CCDC7: variants seen among roughly 807,000 people sequenced by gnomAD.
CCDC7 encodes the protein coiled-coil domain containing 7.
A neutral mutation model predicts 196.9 loss-of-function variants in CCDC7; 183 were observed. The ratio of observed to expected loss-of-function variants is 0.93; its 90% CI spans 0.82 to 1.05. CCDC7 has a LOEUF of 1.05. Among genes scored for constraint, CCDC7 ranks in the 50% least tolerant of loss-of-function variants. CCDC7 has a pLI of 0.00. For missense variants in CCDC7, 1,540 were observed against 1,482.2 expected (o/e 1.04, Z -0.64); for synonymous variants, 525 against 484.6 (o/e 1.08, Z -1.10).
intron 28 of CCDC7, among the ~76,000 whole-genome samples, chr10:32,749,787 A>G (rs2075378666): frequency 1.3e-5 from 2 of 152,216 alleles, no homozygotes; most frequent in Admixed American, 1.3e-4. Flanking sequence ...AGTGTTTACT[A>G]CAAAATATGT....
rs1304020045 is a variant in CCDC7, at chr10:32,640,454, C to G, written c.2014+5296C>G. On this transcript the variant is annotated intron_variant, in intron 20 of 41. Coordinates refer to ENST00000639629, the Ensembl canonical transcript of CCDC7. ...TACAGCACACTGATGGGTCTTGACT[C>G]TTTATCCAATTTGCCAGTCTGTGTC... Among the ~76,000 whole-genome samples, 3 of 152,288 alleles carry G rather than the reference C, an allele frequency of 2.0e-5. No homozygotes were observed. The East Asian group carries it at 5.8e-4, about 29-fold the overall frequency.
In CCDC7 at chr10:32,711,735, G is replaced by T; in HGVS notation, c.2569+5G>T. The stretch of plus-strand genomic sequence containing the variant: ...CTGAAGGAGAAGGACGTAGCAGTAA[G>T]TATAATGATGATAGCTATTTTATAT... On this transcript the variant is annotated splice_donor_5th_base_variant and intron_variant, in intron 25 of 41. Transcript: ENST00000639629. The T allele has an allele frequency of 6.8e-7, 1 of 1,476,796 alleles. No individual in the cohort carries two copies. Among genetic ancestry groups the T allele is most frequent in the Non-Finnish European group, 9.2e-7 (1 of 1,088,226 alleles). The allele number at this position is 1,476,796 out of a possible 1,614,324, so 91.5% of individuals were successfully genotyped here. A position where few individuals can be genotyped will look rare whatever the true frequency, so the allele number is the denominator to read the frequency against.
chr10:32,643,529 A>T (rs998637606), intron 20 of CCDC7, among the ~76,000 whole-genome samples: 6 of 151,878 alleles, frequency 4.0e-5, no homozygotes, highest in Middle Eastern at 3.2e-3. Flanking sequence ...ACACATTTGG[A>T]TTTAAATATT....
intron 18 of CCDC7, among the ~76,000 whole-genome samples, chr10:32,614,002 A>G (rs1452054641): frequency 3.3e-5 from 5 of 152,138 alleles, no homozygotes; most frequent in African/African-American, 9.7e-5. Context: ...TATTGACAGT[A>G]GGGTGTTAAC....
chr10:32,719,286 A>G (rs1286945008), intron 25 of CCDC7, among the ~76,000 whole-genome samples: 2 of 152,330 alleles, frequency 1.3e-5, no homozygotes, highest in East Asian at 3.9e-4. Context: ...AGGATTCCCT[A>G]TTTAATAAAT....
At chr10:32,827,833 G>A (rs938575252) in intron 32 of CCDC7, among the ~76,000 whole-genome samples, 9 of 152,054 alleles carry the variant, frequency 5.9e-5, no homozygotes, top group African/African-American at 1.2e-4. Flanking sequence ...AAATGGCCCT[G>A]CAAAGCCATA....
chr10:32,536,901 G>A (rs2050600915), intron 11 of CCDC7, among the ~76,000 whole-genome samples: 1 of 152,146 alleles, frequency 6.6e-6, no homozygotes, highest in Non-Finnish European at 1.5e-5. Flanking sequence ...GCCCACCGTT[G>A]TTGGGCATTT....
chr10:32,464,806 C>G (rs1182877613), intron 5 of CCDC7, among the ~76,000 whole-genome samples: 1 of 152,140 alleles, frequency 6.6e-6, no homozygotes, highest in East Asian at 1.9e-4. Context: ...CCACTGTGCC[C>G]TGCCGTGCCC....
intron 11 of CCDC7, among the ~76,000 whole-genome samples, chr10:32,524,533 A>C (rs1234739195): frequency 6.6e-6 from 1 of 152,186 alleles, no homozygotes; most frequent in Non-Finnish European, 1.5e-5. Context: ...CAGATAAAAG[A>C]ATTTCCTTTA....
intron 30 of CCDC7, among the ~76,000 whole-genome samples, chr10:32,808,878 T>C (rs915347831): frequency 2.0e-4 from 30 of 151,940 alleles, no homozygotes; most frequent in African/African-American, 6.3e-4. Context: ...GAATCAAAGC[T>C]AAAATGCCCA....
In CCDC7 at chr10:32,778,974, C is replaced by A. The variant is rs1453256694; in HGVS notation, c.2906-3C>A. ...CTACTTTGACAATCTGTTATTCTTACAGTTAAAAATGAAGCAGCCTCAGAA... is the reference window on the plus strand; with the variant it reads ...CTACTTTGACAATCTGTTATTCTTAAAGTTAAAAATGAAGCAGCCTCAGAA... On this transcript the variant is annotated splice_region_variant and splice_polypyrimidine_tract_variant and intron_variant, in intron 28 of 41. Transcript: ENST00000639629. 6.5e-7 allele frequency: 1 copy of A among 1,544,742 alleles called. No homozygotes were observed. Among genetic ancestry groups the A allele is most frequent in the Non-Finnish European group, 8.8e-7 (1 of 1,142,544 alleles).
chr10:32,769,725 T>C (rs987026081), intron 28 of CCDC7, among the ~76,000 whole-genome samples: 12 of 149,180 alleles, frequency 8.0e-5, no homozygotes, highest in African/African-American at 2.7e-4. Context: ...AGTGAGAACA[T>C]GCAGTGTTTG....
chr10:32,702,647 G>A (rs1176858548), intron 24 of CCDC7, among the ~76,000 whole-genome samples: 2 of 152,110 alleles, frequency 1.3e-5, no homozygotes, highest in Admixed American at 6.5e-5. Context: ...ATTATTGTGT[G>A]GGAGTCTAAG....
At chr10:32,531,513 T>C (rs535617059) in intron 11 of CCDC7, among the ~76,000 whole-genome samples, 1 of 152,232 alleles carries the variant, frequency 6.6e-6, no homozygotes, top group East Asian at 1.9e-4. Flanking sequence ...GGGTGTGTAG[T>C]TTTCGTTTTT....
intron 16 of CCDC7, among the ~76,000 whole-genome samples, chr10:32,576,975 T>C (rs548921434): frequency 6.6e-6 from 1 of 152,272 alleles, no homozygotes; most frequent in South Asian, 2.1e-4. Flanking sequence ...TTCTTTCTCA[T>C]GGACATATAA....
At chr10:32,703,606 C>G (rs957963028) in intron 24 of CCDC7, among the ~76,000 whole-genome samples, 9 of 152,042 alleles carry the variant, frequency 5.9e-5, no homozygotes, top group African/African-American at 1.9e-4. Context: ...ATCCTGCAGA[C>G]TGTTTTCCAA....
intron 28 of CCDC7, among the ~76,000 whole-genome samples, chr10:32,754,406 G>T (rs951609470): frequency 6.6e-6 from 1 of 152,180 alleles, no homozygotes; most frequent in South Asian, 2.1e-4. Context: ...TACATAGGGA[G>T]ATATTTCATG....
chr10:32,869,100 G>T (rs1267454663), intron 41 of CCDC7, among the ~76,000 whole-genome samples: 1 of 152,022 alleles, frequency 6.6e-6, no homozygotes, highest in East Asian at 1.9e-4. Context: ...GGGATTGCTG[G>T]GTCAAATGGT....
chr10:32,821,944 AAAACTT>A (rs1206948524), intron 31 of CCDC7, among the ~76,000 whole-genome samples: 2 of 152,182 alleles, frequency 1.3e-5, no homozygotes, highest in Non-Finnish European at 2.9e-5. Context: ...CATGTACCCT[AAAACTT>A]AAAGTATAAC....
Sources: allele counts gnomAD v4.1 joint callset (sites outside exome capture counted in the v4.1 genomes callset), GRCh38; gene constraint gnomAD v4.1.1; transcripts MANE v1.5; gene names NCBI Gene and HGNC (gene_info 2026-07-23, HGNC 2026-07-21).